DDX11: variants seen among roughly 807,000 people sequenced by gnomAD.
DDX11 encodes ATP-dependent DNA helicase DDX11.
In DDX11, 72 loss-of-function variants were observed where a neutral mutation model predicts 125.2. The observed-to-expected ratio is 0.58, with a 90% confidence interval of 0.48 to 0.70. The LOEUF (loss-of-function observed/expected upper bound fraction) is 0.70, where lower values mean the gene tolerates loss of function less well. Ranked by LOEUF, DDX11 falls within the 30% of genes least tolerant of loss-of-function variation. DDX11 has a pLI of 0.00. For synonymous variants in DDX11, 347 were observed against 452.6 expected (o/e 0.77, Z 2.96); for missense variants, 883 against 1,165.0 (o/e 0.76, Z 3.52).
chr12:31,083,310 C>CTT (rs71052460), intron 2 of DDX11, among the ~76,000 whole-genome samples: 1 of 125,946 alleles, frequency 7.9e-6, no homozygotes, highest in African/African-American at 3.2e-5. Context: ...GATTAGTTTG[C>CTT]TTAAAAAAAA....
At chr12:31,092,369 G>A (rs1325346906) in intron 10 of DDX11, among the ~76,000 whole-genome samples, 1 of 152,164 alleles carries the variant, frequency 6.6e-6, no homozygotes, top group Non-Finnish European at 1.5e-5. Context: ...ATTCAAAGAT[G>A]GTCAAGCTCT....
intron 10 of DDX11, 146 bp from the exon 11 acceptor site, chr12:31,092,700 C>T (rs3954113): frequency 2.2e-5 from 18 of 827,806 alleles, no homozygotes; most frequent in South Asian, 5.8e-5. Context: ...TGTGGAAACC[C>T]GTACCTTTTG....
chr12:31,100,725 G>T lies in DDX11; in HGVS notation c.1948+18G>T, dbSNP rs1383710454. 107 of 1,551,184 alleles carry T rather than the reference G, an allele frequency of 6.9e-5. No homozygotes were observed. Among genetic ancestry groups the T allele is most frequent in the Non-Finnish European group, 8.9e-5 (102 of 1,146,588 alleles). On this transcript the variant is annotated intron_variant, in intron 19 of 26. Transcript: ENST00000542838. The stretch of plus-strand genomic sequence containing the variant: ...TTCCTGTGGTGAGAAGCTGTGCCCA[G>T]GGTGGGGCAGGCTAGAGGTCAGGTT...
chr12:31,081,413 A>T (rs1941904075), intron 2 of DDX11, among the ~76,000 whole-genome samples: 1 of 152,146 alleles, frequency 6.6e-6, no homozygotes, highest in Non-Finnish European at 1.5e-5. Context: ...GCTGCCCCAG[A>T]TGCTGTTTAT....
At chr12:31,084,394 G>A (rs553339802) in intron 3 of DDX11, among the ~76,000 whole-genome samples, 189 bp from the exon 4 acceptor site, 4 of 152,334 alleles carry the variant, frequency 2.6e-5, no homozygotes, top group African/African-American at 7.2e-5. Flanking sequence ...GCCGCCTTCC[G>A]CAGTGAGCAG....
chr12:31,096,231 G>A, intron 14 of DDX11, 110 bp from the exon 15 acceptor site: 2 of 1,359,916 alleles, frequency 1.5e-6, no homozygotes, highest in South Asian at 1.2e-5. Flanking sequence ...TCAGAAGGTA[G>A]CACTGCGTTG....
chr12:31,096,853 G>A lies in DDX11; in HGVS notation c.1631-6G>A. ...GGAGGCCTCCTCCCCGTTCTGCTCT[G>A]TGCAGCTCTTGCAGCCCCTGCAGAC... is the stretch of plus-strand genomic sequence containing the variant. On this transcript the variant is annotated splice_polypyrimidine_tract_variant and splice_region_variant and intron_variant, in intron 16 of 26. Transcript: ENST00000542838. 4 of 1,614,172 alleles carry A rather than the reference G, an allele frequency of 2.5e-6. No homozygotes were observed. Among genetic ancestry groups the A allele is most frequent in the Non-Finnish European group, 3.4e-6 (4 of 1,180,046 alleles).
intron 2 of DDX11, among the ~76,000 whole-genome samples, chr12:31,082,861 C>T (rs1389866429): frequency 1.3e-5 from 2 of 152,202 alleles, no homozygotes; most frequent in Admixed American, 6.5e-5. Flanking sequence ...TCTCTTCAGG[C>T]CCCTTTCCTT....
intron 2 of DDX11, among the ~76,000 whole-genome samples, chr12:31,081,455 G>A (rs1352896595): frequency 1.3e-5 from 2 of 152,032 alleles, no homozygotes; most frequent in Non-Finnish European, 2.9e-5. Context: ...CCTTATACAG[G>A]TCTATCAAGT....
Position 31,101,934 on chromosome 12 carries a change from C to A in DDX11, c.2154C>A (p.Ala718=). 6.2e-7 allele frequency: 1 copy of A among 1,613,720 alleles called. No individual in the cohort carries two copies. The highest frequency in any genetic ancestry group is 8.5e-7 in the Non-Finnish European group (1 of 1,179,814). ...PSYEYLRQVH[A]HWEKGGLLGR... The stretch of plus-strand genomic sequence containing the variant: ...ACGAGTACCTGCGCCAGGTCCATGC[C>A]CACTGGGAGAAGGGTGGCCTGCTGG... Residue 718 remains alanine, a synonymous_variant, in exon 21 of 27, where the codon GCC becomes GCA. Coordinates refer to ENST00000542838, the MANE Select transcript of DDX11 (RefSeq NM_030653.4).
chr12:31,103,091 G>A (rs1001263878), intron 24 of DDX11, 71 bp downstream of exon 24: 109 of 1,549,740 alleles, frequency 7.0e-5, no homozygotes, highest in Non-Finnish European at 9.2e-5. Flanking sequence ...CACCCCCAGG[G>A]CTGATACAGC....
rs1255629619 is a variant in DDX11, at chr12:31,104,281, G to A, written c.*445G>A. 3.4e-6 allele frequency: 2 copies of A among 589,832 alleles called. No homozygotes were observed. The highest frequency in any genetic ancestry group is 3.4e-5 in the East Asian group (1 of 29,004). 36.5% of individuals were successfully genotyped at this position (589,832 alleles called of 1,614,324 possible). A position where few individuals can be genotyped will look rare whatever the true frequency, so the allele number is the denominator to read the frequency against. On this transcript the variant is annotated 3_prime_UTR_variant, in exon 27 of 27. Coordinates refer to ENST00000542838, the MANE Select transcript of DDX11 (RefSeq NM_030653.4). ...AGCTGCCCTGGACTGCTCACTCTCT[G>A]GTCTCAATTTAAAATGATCCATGGC... is the stretch of plus-strand genomic sequence containing the variant.
Position 31,094,316 on chromosome 12 carries a change from C to A in DDX11, c.1370-274C>A, listed in dbSNP as rs1696988519. 3 of 440,330 alleles carry A rather than the reference C, an allele frequency of 6.8e-6. No individual in the cohort carries two copies. In the Admixed American group the frequency reaches 1.0e-4, roughly 15 times the overall value. The allele number at this position is 440,330 out of a possible 1,614,324, so 27.3% of individuals were successfully genotyped here. On this transcript the variant is annotated intron_variant, in intron 12 of 26. Coordinates refer to ENST00000542838, the MANE Select transcript of DDX11 (RefSeq NM_030653.4). ...TGCCCTGCATACCTTGGTCTGGCTG[C>A]TGTGTCCCGGCCTCCTGGAGAAGGG...
At chr12:31,074,627 G>A (rs1265270941) in intron 1 of DDX11, among the ~76,000 whole-genome samples, 1 of 152,240 alleles carries the variant, frequency 6.6e-6, no homozygotes, top group Non-Finnish European at 1.5e-5. Flanking sequence ...ATGCACGTTG[G>A]AGGGGACACA....
chr12:31,104,275 C>T lies in DDX11; in HGVS notation c.*439C>T, dbSNP rs1217587969. 5.3e-5 allele frequency: 32 copies of T among 600,718 alleles called. No homozygotes were observed. The East Asian group carries it at 1.1e-3, about 20-fold the overall frequency. The allele number at this position is 600,718 out of a possible 1,614,324, so 37.2% of individuals were successfully genotyped here. A position where few individuals can be genotyped will look rare whatever the true frequency, so the allele number is the denominator to read the frequency against. On this transcript the variant is annotated 3_prime_UTR_variant, in exon 27 of 27. Transcript: ENST00000542838. ...GGTTATAGCTGCCCTGGACTGCTCA[C>T]TCTCTGGTCTCAATTTAAAATGATC...
chr12:31,088,935 A>G, intron 6 of DDX11, 109 bp from the exon 7 acceptor site: 1 of 865,874 alleles, frequency 1.2e-6, no homozygotes, highest in South Asian at 1.4e-5. Context: ...GTGCATTGGG[A>G]GCCACTCCCT....
intron 12 of DDX11, chr12:31,094,191 G>C: frequency 3.3e-6 from 1 of 306,886 alleles, no homozygotes; most frequent in Non-Finnish European, 6.3e-6. Context: ...AAGCCTGTGG[G>C]AGCTCCTGGC....
intron 2 of DDX11, among the ~76,000 whole-genome samples, chr12:31,081,155 G>A (rs1941849259): frequency 6.6e-6 from 1 of 152,174 alleles, no homozygotes; most frequent in South Asian, 2.1e-4. Flanking sequence ...GCCTTTAATT[G>A]TCGATGTTTC....
In DDX11 at chr12:31,093,339, C is replaced by T. The variant is rs539166444; in HGVS notation, c.1369+15C>T. On this transcript the variant is annotated intron_variant, in intron 12 of 26. Coordinates refer to ENST00000542838, the MANE Select transcript of DDX11 (RefSeq NM_030653.4). The stretch of plus-strand genomic sequence containing the variant: ...TGTGCTAGGGGGTGAGAGCCTCGTC[C>T]CCCTGCTGACCCCGGGCCTGCAAAA... 9 of 1,613,792 alleles carry T rather than the reference C, an allele frequency of 5.6e-6. No homozygotes were observed. The South Asian group carries it at 8.8e-5, about 16-fold the overall frequency.
Sources: gnomAD v4.1 joint callset for allele counts (sites outside exome capture counted in the v4.1 genomes callset) on GRCh38, gnomAD v4.1.1 for gene constraint, MANE v1.5 for transcripts, NCBI Gene and HGNC (gene_info 2026-07-23, HGNC 2026-07-21) for gene names.